PARD3B: variants seen among roughly 807,000 people sequenced by gnomAD.
The protein encoded by PARD3B is partitioning defective 3 homolog B.
In PARD3B, 103 loss-of-function variants were observed where a neutral mutation model predicts 130.2. That is an observed-to-expected ratio of 0.79 (90% confidence interval 0.67 to 0.93). The LOEUF is 0.93. Among genes scored for constraint, PARD3B ranks in the 40% least tolerant of loss-of-function variants. The pLI, the probability that PARD3B is intolerant of heterozygous loss-of-function variation, is 0.00. For synonymous variants in PARD3B, 583 were observed against 553.2 expected, an observed-to-expected ratio of 1.05 and a Z score of -0.76; for missense variants, 1,609 against 1,499.2, an observed-to-expected ratio of 1.07 and a Z score of -1.21.
chr2:205,181,513 G>C (rs1424693629), intron 13 of PARD3B, among the ~76,000 whole-genome samples: 3 of 152,168 alleles, frequency 2.0e-5, no homozygotes. Context: ...GTAGGTCTCT[G>C]TCATCACTCA....
intron 2 of PARD3B, among the ~76,000 whole-genome samples, chr2:204,882,728 A>G (rs1250662230): frequency 6.6e-6 from 1 of 152,240 alleles, no homozygotes; most frequent in Non-Finnish European, 1.5e-5. Context: ...CTGCAAGCTT[A>G]TTAGAAATAC....
chr2:205,248,678 C>T (rs1315917622), intron 16 of PARD3B, among the ~76,000 whole-genome samples: 2 of 136,308 alleles, frequency 1.5e-5, no homozygotes, highest in African/African-American at 2.8e-5. Flanking sequence ...GCGATCTAGG[C>T]TCACTGCAAG....
intron 2 of PARD3B, among the ~76,000 whole-genome samples, chr2:204,735,493 A>G (rs1262606653): frequency 1.3e-5 from 2 of 152,306 alleles, no homozygotes; most frequent in African/African-American, 2.4e-5. Context: ...AGAACATTCT[A>G]CAAGGCAATT....
chr2:204,607,688 G>A (rs2033777081), intron 1 of PARD3B, among the ~76,000 whole-genome samples: 1 of 151,938 alleles, frequency 6.6e-6, no homozygotes, highest in African/African-American at 2.4e-5. Flanking sequence ...GGATATGAGG[G>A]GGATGGCTAC....
intron 22 of PARD3B, among the ~76,000 whole-genome samples, chr2:205,574,430 T>C (rs1012293813): frequency 1.3e-5 from 2 of 152,238 alleles, no homozygotes; most frequent in African/African-American, 4.8e-5. Flanking sequence ...TGTGTGGCTA[T>C]GCCCATGTAA....
intron 15 of PARD3B, among the ~76,000 whole-genome samples, chr2:205,235,358 G>A (rs1451004848): frequency 6.6e-6 from 1 of 152,092 alleles, no homozygotes. Flanking sequence ...GGAAGTCGAC[G>A]CTGCAGTGAG....
chr2:205,267,016 C>T (rs541854580), intron 16 of PARD3B, among the ~76,000 whole-genome samples: 6 of 152,136 alleles, frequency 3.9e-5, no homozygotes, highest in Non-Finnish European at 8.8e-5. Flanking sequence ...AAAGGCATTC[C>T]TCTCAAACAA....
At chr2:204,898,758 T>C (rs2046738799) in intron 2 of PARD3B, among the ~76,000 whole-genome samples, 1 of 152,198 alleles carries the variant, frequency 6.6e-6, no homozygotes. Context: ...GGGCTCTCTC[T>C]CTCTTTGTAT....
At chr2:204,595,736 A>C (rs888949568) in intron 1 of PARD3B, among the ~76,000 whole-genome samples, 1 of 152,224 alleles carries the variant, frequency 6.6e-6, no homozygotes, top group African/African-American at 2.4e-5. Flanking sequence ...GCATGTATAA[A>C]ATGAGCATGT....
chr2:205,148,070 C>G (rs560961410), intron 10 of PARD3B, among the ~76,000 whole-genome samples: 17 of 151,960 alleles, frequency 1.1e-4, no homozygotes, highest in Admixed American at 3.3e-4. Context: ...ATAATATTGT[C>G]TGTATTCTAA....
chr2:205,160,040 G>T lies in PARD3B; in HGVS notation c.1620+1133G>T, dbSNP rs920804253. ...AGAGCACCCCTGCACCTAGAATTCT[G>T]GCTTTGTTGAAGCAACTGTCGTCTC... is the stretch of plus-strand genomic sequence containing the variant. On this transcript the variant is annotated intron_variant, in intron 11 of 22. Transcript: ENST00000406610. This position sits in a 1 kb window ranked among gnomAD's most constrained non-coding sequence, Gnocchi z 4.0. 6.6e-6 allele frequency among the ~76,000 whole-genome samples: 1 copy of T among 152,154 alleles called. No homozygotes were observed. Among genetic ancestry groups the T allele is most frequent in the Non-Finnish European group, 1.5e-5 (1 of 68,040 alleles).
Position 205,503,187 on chromosome 2 carries a change from T to A in PARD3B, c.3180+3156T>A, listed in dbSNP as rs563635140. 7.8e-4 allele frequency among the ~76,000 whole-genome samples: 118 copies of A among 152,242 alleles called. 1 individual carries two copies. The highest frequency in any genetic ancestry group is 4.1e-3 in the East Asian group (21 of 5,184). ...GACATTACTTCCACCTTGGAGGAACTCAGGATCCAGCCAGGAATAGATCTA... is the reference window on the plus strand; with the variant it reads ...GACATTACTTCCACCTTGGAGGAACACAGGATCCAGCCAGGAATAGATCTA... On this transcript the variant is annotated intron_variant, in intron 21 of 22. Transcript: ENST00000406610.
chr2:205,205,791 G>T (rs2037259853), intron 15 of PARD3B, among the ~76,000 whole-genome samples: 1 of 152,188 alleles, frequency 6.6e-6, no homozygotes, highest in Admixed American at 6.5e-5. Flanking sequence ...TCCCAGGGAT[G>T]AAGCCAACTT....
chr2:205,512,578 G>T (rs561070563), intron 21 of PARD3B, among the ~76,000 whole-genome samples: 21 of 152,150 alleles, frequency 1.4e-4, no homozygotes, highest in African/African-American at 4.1e-4. Context: ...TCCTTCGTTG[G>T]TTTTTTTCAT....
At chr2:205,354,022 TTTCC>T (rs770692778) in intron 18 of PARD3B, among the ~76,000 whole-genome samples, 4,108 of 111,838 alleles carry the variant, frequency 0.037, 244 homozygotes, top group Non-Finnish European at 0.048. Context: ...TTTCTTTTCT[TTTCC>T]TTTTTTTTTT....
intron 15 of PARD3B, among the ~76,000 whole-genome samples, chr2:205,202,348 T>C (rs2037041233): frequency 6.6e-6 from 1 of 152,234 alleles, no homozygotes; most frequent in South Asian, 2.1e-4. Context: ...GGACATGCTT[T>C]TCATATCCCT....
At chr2:205,027,858 A>G (rs1697144096) in intron 3 of PARD3B, among the ~76,000 whole-genome samples, 1 of 152,136 alleles carries the variant, frequency 6.6e-6, no homozygotes, top group Non-Finnish European at 1.5e-5. Context: ...ACTCTTGTCA[A>G]AGATTAGTTG....
chr2:205,534,643 A>C (rs562635725), intron 21 of PARD3B, among the ~76,000 whole-genome samples: 1 of 152,152 alleles, frequency 6.6e-6, no homozygotes, highest in African/African-American at 2.4e-5. Flanking sequence ...TAATTTTTGT[A>C]TTGTTAGCAG....
At chr2:204,662,200 G>C (rs923477470) in intron 1 of PARD3B, among the ~76,000 whole-genome samples, 2 of 152,158 alleles carry the variant, frequency 1.3e-5, no homozygotes, top group Non-Finnish European at 2.9e-5. Context: ...AATAGTGACA[G>C]ATTTTATTAT....
Sources: allele counts gnomAD v4.1 joint callset (sites outside exome capture counted in the v4.1 genomes callset), GRCh38; gene constraint gnomAD v4.1.1; non-coding constraint Gnocchi (gnomAD v3.1); transcripts MANE v1.5; gene names NCBI Gene and HGNC (gene_info 2026-07-23, HGNC 2026-07-21).